Variants in HCN1 observed in about 807,000 individuals in gnomAD.
HCN1 encodes the protein hyperpolarization activated cyclic nucleotide gated potassium channel 1.
Under a neutral mutation model 78.9 loss-of-function variants are expected in HCN1, and 13 were observed. That is an observed-to-expected ratio of 0.16 (90% CI 0.11 to 0.26). The LOEUF (loss-of-function observed/expected upper bound fraction) is 0.26. HCN1 is among the 10% of genes least tolerant of loss of function. The pLI is 1.00. For missense variants in HCN1, 810 were observed against 1,154.3 expected (o/e 0.70, Z 4.32); for synonymous variants, 552 against 455.5 (o/e 1.21, Z -2.70).
intron 2 of HCN1, among the ~76,000 whole-genome samples, chr5:45,521,974 A>G (rs1185685130): frequency 6.6e-6 from 1 of 152,008 alleles, no homozygotes; most frequent in Non-Finnish European, 1.5e-5. Context: ...CTTGTTATAG[A>G]TGAGATTGAT....
intron 5 of HCN1, among the ~76,000 whole-genome samples, chr5:45,352,776 A>T (rs970933989): frequency 4.6e-5 from 7 of 152,052 alleles, no homozygotes; most frequent in Non-Finnish European, 7.4e-5. Flanking sequence ...GAGGAAGAAT[A>T]GGAATCAAAA....
intron 5 of HCN1, among the ~76,000 whole-genome samples, chr5:45,327,975 A>C (rs551338060): frequency 6.6e-6 from 1 of 151,742 alleles, no homozygotes; most frequent in Admixed American, 6.6e-5. Flanking sequence ...TCCCTAAAAA[A>C]CTAATACAGC....
chr5:45,433,248 T>A lies in HCN1; in HGVS notation c.1011+28598A>T, dbSNP rs988251533. 2.6e-5 allele frequency among the ~76,000 whole-genome samples: 4 copies of A among 152,142 alleles called. 1 individual carries two copies. Among genetic ancestry groups the A allele is most frequent in the African/African-American group, 9.7e-5 (4 of 41,420 alleles). ...ATCATGATGTATTTGCTTTTTGATGTGCTGCTGGATTCAGTTTGCTAGTAT... is the reference window on the plus strand; with the variant it reads ...ATCATGATGTATTTGCTTTTTGATGAGCTGCTGGATTCAGTTTGCTAGTAT... On this transcript the variant is annotated intron_variant, in intron 3 of 7. Transcript: ENST00000303230.
At chr5:45,571,521 C>T (rs887935435) in intron 2 of HCN1, among the ~76,000 whole-genome samples, 1 of 152,124 alleles carries the variant, frequency 6.6e-6, no homozygotes, top group Non-Finnish European at 1.5e-5. Context: ...ATCAAAGAAC[C>T]TGGATGCTTC....
intron 2 of HCN1, among the ~76,000 whole-genome samples, chr5:45,607,339 A>C (rs1265925875): frequency 6.6e-6 from 1 of 151,686 alleles, no homozygotes. Flanking sequence ...TTGATTCCAA[A>C]ACCAGAAGAG....
intron 5 of HCN1, among the ~76,000 whole-genome samples, chr5:45,352,777 G>T (rs1258408767): frequency 3.3e-5 from 5 of 151,762 alleles, no homozygotes; most frequent in Non-Finnish European, 7.4e-5. Flanking sequence ...AGGAAGAATA[G>T]GAATCAAAAA....
chr5:45,320,089 A>G (rs1480173356), intron 5 of HCN1, among the ~76,000 whole-genome samples: 3 of 151,838 alleles, frequency 2.0e-5, no homozygotes, highest in Non-Finnish European at 4.4e-5. Flanking sequence ...CTGCTGTTAC[A>G]TTGCTAAATT....
intron 4 of HCN1, among the ~76,000 whole-genome samples, chr5:45,359,096 T>A (rs1009924411): frequency 6.6e-6 from 1 of 152,234 alleles, no homozygotes; most frequent in East Asian, 1.9e-4. Context: ...ATGACTCCTG[T>A]ACATACATGT....
chr5:45,313,841 A>C (rs1436801237), intron 5 of HCN1, among the ~76,000 whole-genome samples: 1 of 152,114 alleles, frequency 6.6e-6, no homozygotes, highest in Non-Finnish European at 1.5e-5. Flanking sequence ...GAAATGAACA[A>C]AGCCTCCAAG....
At chr5:45,411,475 A>C in intron 3 of HCN1, among the ~76,000 whole-genome samples, 1 of 151,912 alleles carries the variant, frequency 6.6e-6, no homozygotes, top group East Asian at 1.9e-4. Flanking sequence ...ATGCATATTC[A>C]ATCATAGTAT....
Position 45,442,631 on chromosome 5 carries a change from A to G in HCN1, c.1011+19215T>C, listed in dbSNP as rs1427508128. On this transcript the variant is annotated intron_variant, in intron 3 of 7. Transcript: ENST00000303230. ...TATAAAATATAATGGCATTTACAATAAAAAACATCTGAATATTCAGCTGTT... is the reference window on the plus strand; with the variant it reads ...TATAAAATATAATGGCATTTACAATGAAAAACATCTGAATATTCAGCTGTT... Among the ~76,000 whole-genome samples, 2 of 150,288 alleles carry G rather than the reference A, an allele frequency of 1.3e-5. 1 individual carries two copies. The highest frequency in any genetic ancestry group is 4.8e-5 in the African/African-American group (2 of 41,276).
In HCN1 at chr5:45,267,163, T is replaced by G. The variant is rs1433400858; in HGVS notation, c.1709A>C (p.Asn570Thr). ...RLYSLSVDNF[N>T]EVLEEYPMMR... The stretch of plus-strand genomic sequence containing the variant: ...CATTGGATATTCCTCCAGGACCTCG[T>G]TGAAATTGTCCACGGAAAGTGAGTA... Residue 570 changes from asparagine to threonine, a missense_variant, in exon 7 of 8, where the codon AAC (asparagine) becomes ACC (threonine). Physicochemically the swap from Asn to Thr is moderately conservative, Grantham distance 65. Around this residue, in one of 6 missense-constraint regions of HCN1, gnomAD observed 36 missense variants for 58.5 expected, o/e 0.62. Transcript: ENST00000303230. 6.2e-7 allele frequency: 1 copy of G among 1,614,032 alleles called. No individual in the cohort carries two copies. Among genetic ancestry groups the G allele is most frequent in the Non-Finnish European group, 8.5e-7 (1 of 1,179,912 alleles).
chr5:45,269,026 T>G lies in HCN1; in HGVS notation c.1619-1773A>C, dbSNP rs76104000. On this transcript the variant is annotated intron_variant, in intron 6 of 7. Coordinates refer to ENST00000303230, the MANE Select transcript of HCN1 (RefSeq NM_021072.4). The stretch of plus-strand genomic sequence containing the variant: ...TGTTGGTTTCAAATCTTGTGTGGAA[T>G]GCTAAATGAAAGAAGACAGACATGA... 5.9e-4 allele frequency among the ~76,000 whole-genome samples: 90 copies of G among 152,348 alleles called. 1 individual carries two copies. The highest frequency in any genetic ancestry group is 2.1e-3 in the East Asian group (11 of 5,184).
chr5:45,266,707 T>C (rs972543796), intron 7 of HCN1, among the ~76,000 whole-genome samples: 7 of 151,218 alleles, frequency 4.6e-5, no homozygotes, highest in Admixed American at 2.0e-4. Context: ...ATGTGGGATT[T>C]TTTTTTTTTT....
intron 2 of HCN1, among the ~76,000 whole-genome samples, chr5:45,462,374 T>C (rs1445286784): frequency 6.6e-6 from 1 of 152,150 alleles, no homozygotes; most frequent in Admixed American, 6.6e-5. Context: ...TCTACTCTGC[T>C]TCTCATCTCT....
intron 2 of HCN1, among the ~76,000 whole-genome samples, chr5:45,584,277 T>C (rs964957746): frequency 1.3e-5 from 2 of 152,284 alleles, no homozygotes; most frequent in Admixed American, 1.3e-4. Context: ...CCTTTACCAT[T>C]ATGTAATGGC....
At chr5:45,687,153 T>C (rs1293910951) in intron 1 of HCN1, among the ~76,000 whole-genome samples, 1 of 152,200 alleles carries the variant, frequency 6.6e-6, no homozygotes, top group Non-Finnish European at 1.5e-5. Context: ...GATATGTAAC[T>C]TTTTCTTTGA....
intron 2 of HCN1, chr5:45,558,923 T>TC (rs1743535997): frequency 7.0e-6 from 1 of 143,380 alleles, no homozygotes; most frequent in Non-Finnish European, 1.5e-5. Flanking sequence ...CAGCTATTTT[T>TC]TTTTTTTTTT....
At chr5:45,675,158 T>C (rs2112080830) in intron 1 of HCN1, among the ~76,000 whole-genome samples, 1 of 151,842 alleles carries the variant, frequency 6.6e-6, no homozygotes, top group East Asian at 1.9e-4. Context: ...TACTGTCACA[T>C]ACCTACAGAT....
Sources: gnomAD v4.1 joint callset for allele counts (sites outside exome capture counted in the v4.1 genomes callset) on GRCh38, gnomAD v4.1.1 for gene constraint, gnomAD v4.1.1 regional missense constraint, MANE v1.5 for transcripts, NCBI Gene and HGNC (gene_info 2026-07-23, HGNC 2026-07-21) for gene names.